CNTN4: variants seen among roughly 807,000 people sequenced by gnomAD.
CNTN4 encodes contactin 4.
In CNTN4, 77 loss-of-function variants were observed where a neutral mutation model predicts 122.5. That is an observed-to-expected ratio of 0.63 (90% CI 0.52 to 0.76). The LOEUF is 0.76. Ranked by LOEUF, CNTN4 falls within the 30% of genes least tolerant of loss-of-function variation. CNTN4 has a pLI of 0.00. For missense variants in CNTN4, 1,256 were observed against 1,259.1 expected (o/e 1.00, Z 0.04); for synonymous variants, 512 against 447.0 (o/e 1.15, Z -1.83).
At chr3:2,898,256 A>T (rs1577199173) in intron 10 of CNTN4, among the ~76,000 whole-genome samples, 1 of 152,212 alleles carries the variant, frequency 6.6e-6, no homozygotes, top group African/African-American at 2.4e-5. Context: ...CCACGTTCAG[A>T]TATTCACTTT....
intron 13 of CNTN4, among the ~76,000 whole-genome samples, chr3:2,984,428 A>G (rs78025200): frequency 0.011 from 1,729 of 152,290 alleles, 35 homozygotes; most frequent in African/African-American, 0.04. Context: ...GGGAAGGGTT[A>G]GAGCTATGGG....
chr3:2,334,437 A>G (rs1008025994), intron 2 of CNTN4, among the ~76,000 whole-genome samples: 1 of 152,134 alleles, frequency 6.6e-6, no homozygotes, highest in African/African-American at 2.4e-5. Context: ...GGGATTACAG[A>G]TAGGAGCCAC....
intron 2 of CNTN4, among the ~76,000 whole-genome samples, chr3:2,279,351 T>C (rs148966239): frequency 5.3e-5 from 8 of 152,324 alleles, no homozygotes; most frequent in African/African-American, 1.9e-4. Context: ...TGCCCTGGGA[T>C]ATAATGCAAG....
intron 3 of CNTN4, among the ~76,000 whole-genome samples, chr3:2,455,166 G>A (rs559308338): frequency 6.6e-6 from 1 of 152,248 alleles, no homozygotes; most frequent in African/African-American, 2.4e-5. Flanking sequence ...CCAGTAAAGG[G>A]CTGCCATTGA....
At chr3:2,667,364 T>G (rs972691317) in intron 4 of CNTN4, among the ~76,000 whole-genome samples, 1 of 152,230 alleles carries the variant, frequency 6.6e-6, no homozygotes, top group Non-Finnish European at 1.5e-5. Flanking sequence ...TTTTTTCATG[T>G]GTCTTTTGGC....
chr3:2,852,036 G>C (rs921695660), intron 7 of CNTN4, among the ~76,000 whole-genome samples: 2 of 151,960 alleles, frequency 1.3e-5, no homozygotes, highest in Non-Finnish European at 2.9e-5. Flanking sequence ...TTATTACCAG[G>C]CCACACCCTA....
intron 6 of CNTN4, among the ~76,000 whole-genome samples, chr3:2,766,994 A>G (rs2090890510): frequency 6.6e-6 from 1 of 152,202 alleles, no homozygotes; most frequent in Non-Finnish European, 1.5e-5. Context: ...GAGCTGATGT[A>G]AGGACTTGAT....
At chr3:2,103,100 T>G (rs1371044166) in intron 2 of CNTN4, among the ~76,000 whole-genome samples, 1 of 152,096 alleles carries the variant, frequency 6.6e-6, no homozygotes, top group African/African-American at 2.4e-5. Context: ...AGAAATTAAG[T>G]TATTTGTTCA....
intron 12 of CNTN4, among the ~76,000 whole-genome samples, chr3:2,916,409 G>C (rs7626592): frequency 0.72 from 104,419 of 144,348 alleles, 38,085 homozygotes; most frequent in Middle Eastern, 0.84. Context: ...TGACTGTTAA[G>C]GAGCATGCTG....
intron 6 of CNTN4, among the ~76,000 whole-genome samples, chr3:2,787,572 T>C (rs751449599): frequency 1.4e-4 from 22 of 152,214 alleles, no homozygotes; most frequent in Admixed American, 2.6e-4. Context: ...AATCCTGTAA[T>C]GACTGAATTG....
intron 3 of CNTN4, among the ~76,000 whole-genome samples, chr3:2,515,005 T>C (rs1373181806): frequency 6.6e-6 from 1 of 151,880 alleles, no homozygotes; most frequent in Non-Finnish European, 1.5e-5. Flanking sequence ...CCTCTCCCTC[T>C]GCCTCCCTCT....
intron 2 of CNTN4, among the ~76,000 whole-genome samples, chr3:2,251,719 A>G (rs967502835): frequency 1.3e-5 from 2 of 151,868 alleles, no homozygotes; most frequent in African/African-American, 4.8e-5. Context: ...AAGTTGATTT[A>G]GTATTACTTC....
intron 2 of CNTN4, among the ~76,000 whole-genome samples, chr3:2,185,635 GCT>G (rs997436639): frequency 5.9e-5 from 9 of 152,110 alleles, no homozygotes; most frequent in Admixed American, 1.3e-4. Context: ...CATGAGCCCG[GCT>G]CTCAGTCTGT....
At chr3:2,420,875 G>A (rs1445104176) in intron 3 of CNTN4, among the ~76,000 whole-genome samples, 1 of 152,138 alleles carries the variant, frequency 6.6e-6, no homozygotes, top group Non-Finnish European at 1.5e-5. Flanking sequence ...AAATGGCATA[G>A]CACTGCTTAC....
chr3:2,282,182 T>G (rs181234671), intron 2 of CNTN4, among the ~76,000 whole-genome samples: 2 of 152,272 alleles, frequency 1.3e-5, no homozygotes, highest in African/African-American at 4.8e-5. Flanking sequence ...TTTACACAAT[T>G]TTCAAGTAAT....
At chr3:2,300,689 A>T (rs540275649) in intron 2 of CNTN4, among the ~76,000 whole-genome samples, 147 of 145,596 alleles carry the variant, frequency 1.0e-3, no homozygotes, top group Non-Finnish European at 1.9e-3. Flanking sequence ...TCCCTGCCTC[A>T]GCCTCTCGAG....
chr3:2,690,307 G>C (rs1025372625), intron 4 of CNTN4, among the ~76,000 whole-genome samples: 2 of 152,088 alleles, frequency 1.3e-5, no homozygotes, highest in African/African-American at 4.8e-5. Context: ...TTCTCATCAA[G>C]AGGCAAAGGT....
chr3:2,139,678 C>T (rs2034894834), intron 2 of CNTN4, among the ~76,000 whole-genome samples: 2 of 152,188 alleles, frequency 1.3e-5, no homozygotes, highest in African/African-American at 2.4e-5. Context: ...GAAGGGCATT[C>T]TTGCAAGACT....
intron 4 of CNTN4, among the ~76,000 whole-genome samples, chr3:2,587,448 T>G (rs1219035127): frequency 6.6e-5 from 10 of 152,334 alleles, no homozygotes; most frequent in East Asian, 1.9e-4. Flanking sequence ...ATAAAAATTT[T>G]CAAGTGGAGA....
Sources: gnomAD v4.1 joint callset for allele counts (sites outside exome capture counted in the v4.1 genomes callset) on GRCh38, gnomAD v4.1.1 for gene constraint, MANE v1.5 for transcripts, NCBI Gene and HGNC (gene_info 2026-07-23, HGNC 2026-07-21) for gene names.